FA2H: variants seen among roughly 807,000 people sequenced by gnomAD.
The protein encoded by FA2H is fatty acid 2-hydroxylase.
FA2H carries 22 observed loss-of-function variants against 44.9 expected under a neutral mutation model. That is an observed-to-expected ratio of 0.49 (90% CI 0.35 to 0.70). FA2H has a LOEUF of 0.70. Ranked by LOEUF, FA2H falls within the 30% of genes least tolerant of loss-of-function variation. The probability of loss-of-function intolerance (pLI) is 0.01; values close to 1 mark genes in which losing one functional copy is unlikely to be tolerated. For synonymous variants in FA2H, 243 were observed against 213.2 expected, an observed-to-expected ratio of 1.14 and a Z score of -1.22; for missense variants, 501 against 504.9, an observed-to-expected ratio of 0.99 and a Z score of 0.07.
chr16:74,771,794 G>A (rs1264460993), intron 1 of FA2H, among the ~76,000 whole-genome samples: 1 of 151,828 alleles, frequency 6.6e-6, no homozygotes, highest in Non-Finnish European at 1.5e-5. Flanking sequence ...TCCCCCCATG[G>A]TCACAGCCAC....
chr16:74,730,020 C>A (rs1294742467), intron 2 of FA2H, among the ~76,000 whole-genome samples: 2 of 152,060 alleles, frequency 1.3e-5, no homozygotes, highest in Non-Finnish European at 2.9e-5. Flanking sequence ...ACCTCCTTCC[C>A]CTGGCCCTGG....
chr16:74,734,804 G>A (rs1962149336), intron 2 of FA2H, among the ~76,000 whole-genome samples: 1 of 152,210 alleles, frequency 6.6e-6, no homozygotes, highest in African/African-American at 2.4e-5. Context: ...GTGAGCGGGG[G>A]CAGGCGGCGG....
In FA2H at chr16:74,774,664, GCCCCGCGGCGGA is replaced by G; in HGVS notation, c.80_91del (p.Val27_Gly30del). Reference sequence around the variant, plus strand: ...GAAGCTGGAGAGGTCGTAGAGGCGGGCCCCGCGGCGGACCCAGCACGCGCCGGCCGCCAGGCG... The same window carrying G: ...GAAGCTGGAGAGGTCGTAGAGGCGGGCCCAGCACGCGCCGGCCGCCAGGCG... On this transcript the variant is annotated inframe_deletion, in exon 1 of 7. Transcript: ENST00000219368. The G allele has an allele frequency of 7.0e-7, 1 of 1,436,312 alleles. No homozygotes were observed. 89.0% of individuals were successfully genotyped at this position (1,436,312 alleles called of 1,614,324 possible). A position where few individuals can be genotyped will look rare whatever the true frequency, so the allele number is the denominator to read the frequency against.
In FA2H at chr16:74,727,346, C is replaced by T. The variant is rs765264675; in HGVS notation, c.404G>A (p.Gly135Asp). The T allele has an allele frequency of 2.5e-6, 4 of 1,614,202 alleles. No homozygotes were observed. The highest frequency in any genetic ancestry group is 3.4e-6 in the Non-Finnish European group (4 of 1,180,030). The change falls in exon 3 of 7, where the codon GGC becomes GAC. Residue 135 changes from glycine to aspartate, a missense_variant. Transcript: ENST00000219368. Reference protein sequence around the residue: ...DWRKPLLWQVGHLGEKYDEWV... With the variant: ...DWRKPLLWQVDHLGEKYDEWV... ...CTCATCGTACTTCTCTCCCAAGTGG[C>T]CCACCTGCCACAGGAGAGGCTTTCG...
chr16:74,743,025 C>A (rs1453068556), intron 1 of FA2H, among the ~76,000 whole-genome samples: 2 of 151,956 alleles, frequency 1.3e-5, no homozygotes, highest in African/African-American at 4.8e-5. Flanking sequence ...TAATTATTTT[C>A]TTTTTATAGA....
intron 1 of FA2H, among the ~76,000 whole-genome samples, chr16:74,768,165 G>A (rs1248886195): frequency 2.6e-5 from 4 of 152,168 alleles, no homozygotes; most frequent in Non-Finnish European, 5.9e-5. Context: ...TTATTTCCCG[G>A]GAATACTTCC....
intron 1 of FA2H, among the ~76,000 whole-genome samples, chr16:74,749,371 C>A (rs1369480714): frequency 6.6e-6 from 1 of 151,948 alleles, no homozygotes; most frequent in African/African-American, 2.4e-5. Context: ...CACCCCTCGC[C>A]CTCCCCGCAG....
Position 74,713,888 on chromosome 16 carries a change from C to T in FA2H, c.*302G>A, listed in dbSNP as rs532087618. On this transcript the variant is annotated 3_prime_UTR_variant, in exon 7 of 7. Coordinates refer to ENST00000219368, the MANE Select transcript of FA2H (RefSeq NM_024306.5). ...GCTCAGTTTTCTTCATTTCCCCTTG[C>T]GGCTGCTACCTGTGGCCACGGCCTG... 32 of 393,986 alleles carry T rather than the reference C, an allele frequency of 8.1e-5. 1 individual carries two copies. Among genetic ancestry groups the T allele is most frequent in the East Asian group, 6.6e-4 (15 of 22,768 alleles). The allele number at this position is 393,986 out of a possible 1,614,324, so 24.4% of individuals were successfully genotyped here.
chr16:74,715,024 GA>G lies in FA2H; in HGVS notation c.1040-756del, dbSNP rs532057257. Among the ~76,000 whole-genome samples, 212 of 152,054 alleles carry G rather than the reference GA, an allele frequency of 1.4e-3. 2 individuals are homozygous for G. Among genetic ancestry groups the G allele is most frequent in the African/African-American group, 4.8e-3 (199 of 41,468 alleles). Reference sequence around the variant, plus strand: ...GCTAATTTTTTGTGTTTTTAGTAGAGAGGGGGTTTCAACATGTTGGCCAGGC... The same window carrying G: ...GCTAATTTTTTGTGTTTTTAGTAGAGGGGGGTTTCAACATGTTGGCCAGGC... On this transcript the variant is annotated intron_variant, in intron 6 of 6. Transcript: ENST00000219368.
At chr16:74,738,775 C>T (rs959158648) in intron 2 of FA2H, among the ~76,000 whole-genome samples, 2 of 152,150 alleles carry the variant, frequency 1.3e-5, no homozygotes, top group African/African-American at 2.4e-5. Context: ...AGGTCCTGAC[C>T]CTGCCAGTGC....
intron 3 of FA2H, 118 bp downstream of exon 3, chr16:74,727,126 G>T: frequency 7.3e-7 from 1 of 1,376,308 alleles, no homozygotes; most frequent in Non-Finnish European, 1.0e-6. Flanking sequence ...CTCCCTGACA[G>T]CTTTACAGCA....
Position 74,716,465 on chromosome 16 carries a change from G to A in FA2H, c.921C>T (p.Gly307=), listed in dbSNP as rs149698079. ...AATGGGTCATGTCATAGAGGACGTA[G>A]CCCAGGAGGCCCCCCGCAAACACAG... The part of the protein sequence containing the change: ...GGTVFAGGLL[G]YVLYDMTHYY... Residue 307 remains glycine, a synonymous_variant, in exon 6 of 7, where the codon GGC becomes GGT. Transcript: ENST00000219368. 307 of 1,613,946 alleles carry A rather than the reference G, an allele frequency of 1.9e-4. No individual in the cohort carries two copies. In the African/African-American group the frequency reaches 3.8e-3, roughly 20 times the overall value.
At chr16:74,764,998 G>A (rs1376341987) in intron 1 of FA2H, among the ~76,000 whole-genome samples, 2 of 152,100 alleles carry the variant, frequency 1.3e-5, no homozygotes, top group Admixed American at 1.3e-4. Context: ...CATGGGACGG[G>A]TAGACTGTAA....
At chr16:74,744,510 G>A (rs1414177532) in intron 1 of FA2H, among the ~76,000 whole-genome samples, 1 of 149,492 alleles carries the variant, frequency 6.7e-6, no homozygotes, top group African/African-American at 2.5e-5. Context: ...GGAGGGCAGT[G>A]GCATGATCTT....
intron 1 of FA2H, among the ~76,000 whole-genome samples, chr16:74,765,481 C>T (rs1962792563): frequency 6.6e-6 from 1 of 151,994 alleles, no homozygotes; most frequent in Non-Finnish European, 1.5e-5. Flanking sequence ...AAGTATCTTG[C>T]ATATGCTAAT....
chr16:74,714,045 C>G lies in FA2H; in HGVS notation c.*145G>C. 2 of 636,234 alleles carry G rather than the reference C, an allele frequency of 3.1e-6. No homozygotes were observed. The highest frequency in any genetic ancestry group is 1.8e-5 in the South Asian group (1 of 55,932). The allele number at this position is 636,234 out of a possible 1,614,324, so 39.4% of individuals were successfully genotyped here. A position where few individuals can be genotyped will look rare whatever the true frequency, so the allele number is the denominator to read the frequency against. The stretch of plus-strand genomic sequence containing the variant: ...GAGGGCGGTCCTGCCTCAGGGCCCC[C>G]TCAGCACCTTCCACTAGGCTGCAGG... On this transcript the variant is annotated 3_prime_UTR_variant, in exon 7 of 7. Coordinates refer to ENST00000219368, the MANE Select transcript of FA2H (RefSeq NM_024306.5).
At chr16:74,721,586 C>T (rs1961841374) in intron 4 of FA2H, among the ~76,000 whole-genome samples, 1 of 152,202 alleles carries the variant, frequency 6.6e-6, no homozygotes, top group African/African-American at 2.4e-5. Context: ...AGCATGGAGA[C>T]TCACACAGCT....
rs780864815 is a variant in FA2H at position 74,716,471 on chromosome 16, G to A, written c.915C>T (p.Leu305=). The change falls in exon 6 of 7, where the codon CTC becomes CTT. Residue 305 remains leucine, a synonymous_variant. Coordinates refer to ENST00000219368, the MANE Select transcript of FA2H (RefSeq NM_024306.5). ...AVGGTVFAGG[L]LGYVLYDMTH... Reference sequence around the variant, plus strand: ...TCATGTCATAGAGGACGTAGCCCAGGAGGCCCCCCGCAAACACAGTGCCCC... The same window carrying A: ...TCATGTCATAGAGGACGTAGCCCAGAAGGCCCCCCGCAAACACAGTGCCCC... 6.2e-7 allele frequency: 1 copy of A among 1,613,826 alleles called. No individual in the cohort carries two copies. The highest frequency in any genetic ancestry group is 1.3e-5 in the African/African-American group (1 of 74,872).
intron 4 of FA2H, among the ~76,000 whole-genome samples, chr16:74,723,180 T>C (rs1202741242): frequency 6.6e-6 from 1 of 152,230 alleles, no homozygotes; most frequent in Non-Finnish European, 1.5e-5. Context: ...CCTATGGGCA[T>C]TTTTTCTCTG....
Sources: allele counts gnomAD v4.1 joint callset (sites outside exome capture counted in the v4.1 genomes callset), GRCh38; gene constraint gnomAD v4.1.1; transcripts MANE v1.5; gene names NCBI Gene and HGNC (gene_info 2026-07-23, HGNC 2026-07-21).